The following WDR76 variants were observed in gnomAD, a reference collection of about 807,000 sequenced individuals.
WDR76 encodes the protein WD repeat-containing protein 76.
In WDR76, 52 loss-of-function variants were observed where a neutral mutation model predicts 70.2. That is an observed-to-expected ratio of 0.74 (90% confidence interval 0.59 to 0.93). The LOEUF is 0.93. Among genes scored for constraint, WDR76 ranks in the 40% least tolerant of loss-of-function variants. The pLI, the probability that WDR76 is intolerant of heterozygous loss-of-function variation, is 0.00. For missense variants in WDR76, 756 were observed against 760.2 expected (o/e 0.99, Z 0.07); for synonymous variants, 292 against 271.1 (o/e 1.08, Z -0.76).
rs1337777258 is a variant in WDR76, at chr15:43,835,237, T to C, written c.552+87T>C. On this transcript the variant is annotated intron_variant, in intron 3 of 12. Coordinates refer to ENST00000263795, the MANE Select transcript of WDR76 (RefSeq NM_024908.4). ...ATCCTGTCACTTGGGGAGGCTGACA[T>C]GGGAGAATCGCTTGAGGCCAGGAGT... 5 of 1,250,948 alleles carry C rather than the reference T, an allele frequency of 4.0e-6. No homozygotes were observed. The Admixed American group carries it at 5.4e-5, about 14-fold the overall frequency. The allele number at this position is 1,250,948 out of a possible 1,614,324, so 77.5% of individuals were successfully genotyped here. A position where few individuals can be genotyped will look rare whatever the true frequency, so the allele number is the denominator to read the frequency against.
intron 5 of WDR76, among the ~76,000 whole-genome samples, chr15:43,841,949 C>A (rs1458219946): frequency 2.0e-5 from 3 of 151,912 alleles, no homozygotes; most frequent in African/African-American, 7.3e-5. Flanking sequence ...CTCACTGCAA[C>A]CTCCAACACC....
chr15:43,860,138 G>T lies in WDR76; in HGVS notation c.1563-1195G>T, dbSNP rs545253141. On this transcript the variant is annotated intron_variant, in intron 11 of 12. Coordinates refer to ENST00000263795, the MANE Select transcript of WDR76 (RefSeq NM_024908.4). ...TGTGTACTTGTAGTCCCAGCTACTT[G>T]GGAGGCTGAGGCGGGAGGATCACTT... is the stretch of plus-strand genomic sequence containing the variant. Among the ~76,000 whole-genome samples the T allele has an allele frequency of 2.6e-5, 4 of 152,312 alleles. No individual in the cohort carries two copies. The South Asian group carries it at 8.3e-4, about 32-fold the overall frequency.
intron 12 of WDR76, among the ~76,000 whole-genome samples, chr15:43,863,487 T>TA (rs1457800531): frequency 1.3e-5 from 2 of 151,928 alleles, no homozygotes; most frequent in African/African-American, 2.4e-5. Flanking sequence ...AACTGAAATT[T>TA]AATAGTTTTT....
intron 8 of WDR76, among the ~76,000 whole-genome samples, chr15:43,845,028 C>T (rs1322227363): frequency 1.6e-5 from 2 of 128,880 alleles, no homozygotes; most frequent in Non-Finnish European, 3.3e-5. Flanking sequence ...GTGGTGTGAT[C>T]TCGGCTCACT....
At chr15:43,827,895 A>T in intron 1 of WDR76, 70 bp from the exon 2 acceptor site, 1 of 1,411,460 alleles carries the variant, frequency 7.1e-7, no homozygotes, top group Non-Finnish European at 9.5e-7. Context: ...TAGATCTGTT[A>T]GGGATCCTGT....
intron 8 of WDR76, 41 bp from the exon 9 acceptor site, chr15:43,851,045 CT>C: frequency 6.2e-7 from 1 of 1,603,182 alleles, no homozygotes; most frequent in African/African-American, 1.3e-5. Flanking sequence ...CTATTTTTCA[CT>C]AGTTTTTTTC....
chr15:43,854,853 G>T (rs1167958910), intron 9 of WDR76, among the ~76,000 whole-genome samples: 2 of 151,844 alleles, frequency 1.3e-5, no homozygotes, highest in Non-Finnish European at 2.9e-5. Flanking sequence ...AGAAGGCTAG[G>T]CCACGGAGAA....
intron 12 of WDR76, among the ~76,000 whole-genome samples, chr15:43,865,081 C>A (rs555059380): frequency 1.6e-4 from 25 of 152,124 alleles, no homozygotes; most frequent in African/African-American, 6.0e-4. Context: ...ACCACCATGC[C>A]TGGCTAATTT....
chr15:43,836,821 G>A (rs1244708960), intron 4 of WDR76, among the ~76,000 whole-genome samples: 2 of 150,912 alleles, frequency 1.3e-5, no homozygotes, highest in Non-Finnish European at 2.9e-5. Context: ...ACCTGAGGTC[G>A]AGAGTTCAAG....
At chr15:43,858,626 T>G in intron 10 of WDR76, 45 bp from the exon 11 acceptor site, 1 of 1,602,302 alleles carries the variant, frequency 6.2e-7, no homozygotes, top group Non-Finnish European at 8.5e-7. Context: ...TAGAGGTTCA[T>G]TACATGTACT....
chr15:43,846,681 G>C (rs1249553014), intron 8 of WDR76, among the ~76,000 whole-genome samples: 1 of 151,828 alleles, frequency 6.6e-6, no homozygotes, highest in Non-Finnish European at 1.5e-5. Context: ...ATAGATTTAA[G>C]ACATACATAA....
chr15:43,866,566 G>A lies in WDR76; in HGVS notation c.*174G>A. 1 of 735,620 alleles carries A rather than the reference G, an allele frequency of 1.4e-6. No homozygotes were observed. The allele number at this position is 735,620 out of a possible 1,614,324, so 45.6% of individuals were successfully genotyped here. A position where few individuals can be genotyped will look rare whatever the true frequency, so the allele number is the denominator to read the frequency against. ...TTTTAGTAAGGGAGAAGTCTTGGAG[G>A]GTTGCTTCTGCAGGACGGGGAGGGA... On this transcript the variant is annotated 3_prime_UTR_variant, in exon 13 of 13. Transcript: ENST00000263795.
Position 43,842,427 on chromosome 15 carries a change from C to T in WDR76, c.745C>T (p.Pro249Ser). The T allele has an allele frequency of 1.2e-6, 2 of 1,613,880 alleles. No homozygotes were observed. The highest frequency in any genetic ancestry group is 1.7e-6 in the Non-Finnish European group (2 of 1,179,974). ...TTTTTTATAACAGCCTTTGTTACCT[C>T]CTGGGCCTTTAGAAATGACTTCTGA... Reference protein sequence around the residue: ...LVADETPLLPPGPLEMTSENQ... With the variant: ...LVADETPLLPSGPLEMTSENQ... Residue 249 changes from proline to serine, a missense_variant, in exon 6 of 13, where the codon CCT becomes TCT. Pro to Ser is a moderately conservative substitution (Grantham distance 74). Transcript: ENST00000263795.
chr15:43,837,937 G>A (rs1176335968), intron 4 of WDR76, among the ~76,000 whole-genome samples: 2 of 149,216 alleles, frequency 1.3e-5, no homozygotes, highest in South Asian at 2.1e-4. Context: ...GTGCAGTGGC[G>A]CGATCTCGGC....
chr15:43,832,743 G>GTTTTTTTTTTTTTTTTTTTTTTT (rs201304087), intron 2 of WDR76, among the ~76,000 whole-genome samples: 1 of 68,072 alleles, frequency 1.5e-5, no homozygotes, highest in Non-Finnish European at 2.5e-5. Flanking sequence ...GGCTTGCTTT[G>GTTTTTTTTTTTTTTTTTTTTTTT]TTTTTTTTTT....
chr15:43,855,637 T>TA lies in WDR76; in HGVS notation c.1192-1306dup, dbSNP rs561627449. Among the ~76,000 whole-genome samples, 105 of 152,302 alleles carry TA rather than the reference T, an allele frequency of 6.9e-4. 1 individual carries two copies. The highest frequency in any genetic ancestry group is 3.4e-3 in the Middle Eastern group (1 of 294). On this transcript the variant is annotated intron_variant, in intron 9 of 12. Transcript: ENST00000263795. Reference sequence around the variant, plus strand: ...TTTTATTCTTTATGTGCATGAGTCCTAAACCCAAAGTGATTGCATTGTAGA... The same window carrying TA: ...TTTTATTCTTTATGTGCATGAGTCCTAAAACCCAAAGTGATTGCATTGTAGA...
intron 2 of WDR76, 124 bp downstream of exon 2, chr15:43,828,490 AAATGT>A (rs1482090688): frequency 1.2e-6 from 1 of 829,238 alleles, no homozygotes; most frequent in African/African-American, 1.7e-5. Context: ...ATGTAAGTAT[AAATGT>A]AATAATACAT....
intron 12 of WDR76, among the ~76,000 whole-genome samples, chr15:43,862,502 G>GTTTTTTGT (rs1283123615): frequency 5.8e-5 from 8 of 137,958 alleles, no homozygotes; most frequent in Non-Finnish European, 7.7e-5. Context: ...TTTTTTTTTT[G>GTTTTTTGT]TTTTTTGTTT....
At chr15:43,840,877 A>G (rs1018334823) in intron 5 of WDR76, among the ~76,000 whole-genome samples, 14 of 152,084 alleles carry the variant, frequency 9.2e-5, no homozygotes, top group Non-Finnish European at 2.1e-4. Flanking sequence ...GCTCCTCAGG[A>G]GGCTGAGGTG....
Sources: allele counts gnomAD v4.1 joint callset (sites outside exome capture counted in the v4.1 genomes callset), GRCh38; gene constraint gnomAD v4.1.1; transcripts MANE v1.5; gene names NCBI Gene and HGNC (gene_info 2026-07-23, HGNC 2026-07-21).